ZFAND6: variants seen among roughly 807,000 people sequenced by gnomAD.
ZFAND6 encodes the protein zinc finger AN1-type containing 6.
Under a neutral mutation model 24.5 loss-of-function variants are expected in ZFAND6, and 12 were observed. The ratio of observed to expected loss-of-function variants is 0.49; its 90% CI spans 0.31 to 0.79. The LOEUF (loss-of-function observed/expected upper bound fraction) is 0.79, where lower values mean the gene tolerates loss of function less well. ZFAND6 is among the 30% of genes least tolerant of loss of function. The pLI is 0.04. For missense variants in ZFAND6, 207 were observed against 245.9 expected, an observed-to-expected ratio of 0.84 and a Z score of 1.06; for synonymous variants, 92 against 81.5, an observed-to-expected ratio of 1.13 and a Z score of -0.69.
chr15:80,117,220 GA>G (rs1482707729), intron 2 of ZFAND6, among the ~76,000 whole-genome samples: 1 of 151,576 alleles, frequency 6.6e-6, no homozygotes, highest in East Asian at 2.0e-4. Flanking sequence ...AATATCTACT[GA>G]ATACTCTTTT....
At chr15:80,136,796 T>C (rs1224920548) in intron 6 of ZFAND6, among the ~76,000 whole-genome samples, 1 of 152,276 alleles carries the variant, frequency 6.6e-6, no homozygotes, top group Non-Finnish European at 1.5e-5. Context: ...ATTTTGGTTT[T>C]AACTCCAGGC....
chr15:80,095,983 T>A (rs1051652770), intron 1 of ZFAND6, among the ~76,000 whole-genome samples: 8 of 152,236 alleles, frequency 5.3e-5, no homozygotes, highest in Non-Finnish European at 1.0e-4. Flanking sequence ...CAGATACAGT[T>A]TGATCTATCA....
At chr15:80,093,555 C>G (rs1203296767) in intron 1 of ZFAND6, among the ~76,000 whole-genome samples, 1 of 151,878 alleles carries the variant, frequency 6.6e-6, no homozygotes, top group East Asian at 2.0e-4. Flanking sequence ...GGTGAAACTC[C>G]GTCTCTACTA....
intron 1 of ZFAND6, among the ~76,000 whole-genome samples, chr15:80,095,703 A>T (rs2038678378): frequency 6.6e-6 from 1 of 152,216 alleles, no homozygotes; most frequent in Non-Finnish European, 1.5e-5. Flanking sequence ...TTTGTGTTGA[A>T]CAAGAATGTC....
At chr15:80,095,828 G>A (rs987323433) in intron 1 of ZFAND6, among the ~76,000 whole-genome samples, 31 of 152,122 alleles carry the variant, frequency 2.0e-4, no homozygotes, top group Admixed American at 1.8e-3. Flanking sequence ...TTGTCTTTTC[G>A]ATAGGTTACT....
chr15:80,081,237 TG>T (rs942385727), intron 1 of ZFAND6, among the ~76,000 whole-genome samples: 4 of 152,192 alleles, frequency 2.6e-5, no homozygotes, highest in African/African-American at 9.7e-5. Context: ...TTTATTGAGT[TG>T]TGTGCATACA....
chr15:80,131,061 A>T, intron 5 of ZFAND6, 119 bp from the exon 6 acceptor site: 1 of 673,258 alleles, frequency 1.5e-6, no homozygotes, highest in Non-Finnish European at 2.4e-6. Context: ...TTTAATGACT[A>T]GTTTTCTGTG....
At chr15:80,061,894 A>G (rs545778687) in intron 1 of ZFAND6, among the ~76,000 whole-genome samples, 1 of 152,214 alleles carries the variant, frequency 6.6e-6, no homozygotes, top group Non-Finnish European at 1.5e-5. Flanking sequence ...GAAAAACATT[A>G]GGATTCTCTA....
chr15:80,093,560 C>T (rs959683315), intron 1 of ZFAND6, among the ~76,000 whole-genome samples: 2 of 151,978 alleles, frequency 1.3e-5, no homozygotes, highest in Non-Finnish European at 2.9e-5. Context: ...AACTCCGTCT[C>T]TACTAAAATA....
intron 1 of ZFAND6, among the ~76,000 whole-genome samples, chr15:80,063,352 T>C (rs905044826): frequency 4.6e-5 from 7 of 152,176 alleles, no homozygotes. Context: ...GTGTGTATTT[T>C]CCACTTAAAG....
At chr15:80,101,430 T>C (rs2039023422) in intron 2 of ZFAND6, among the ~76,000 whole-genome samples, 2 of 151,712 alleles carry the variant, frequency 1.3e-5, no homozygotes, top group African/African-American at 4.8e-5. Flanking sequence ...GCCATTGCAC[T>C]CCAGCCTGGG....
In ZFAND6 at chr15:80,137,395, T is replaced by C. The variant is rs1183886556; in HGVS notation, c.479-85T>C. 3 of 1,433,350 alleles carry C rather than the reference T, an allele frequency of 2.1e-6. No individual in the cohort carries two copies. The African/African-American group carries it at 4.5e-5, about 21-fold the overall frequency. The allele number at this position is 1,433,350 out of a possible 1,614,324, so 88.8% of individuals were successfully genotyped here. A position where few individuals can be genotyped will look rare whatever the true frequency, so the allele number is the denominator to read the frequency against. Reference sequence around the variant, plus strand: ...CTTTAGTTTACATTGCTGCCCTAAATATATTGTGCTGTTCAGTATTAATTA... The same window carrying C: ...CTTTAGTTTACATTGCTGCCCTAAACATATTGTGCTGTTCAGTATTAATTA... On this transcript the variant is annotated intron_variant, in intron 6 of 6. Transcript: ENST00000261749.
chr15:80,073,463 C>T (rs2037091454), intron 1 of ZFAND6: 1 of 176,726 alleles, frequency 5.7e-6, no homozygotes, highest in South Asian at 9.2e-5. Context: ...TCTTTGTTCT[C>T]ATAGAAATTA....
intron 1 of ZFAND6, among the ~76,000 whole-genome samples, chr15:80,064,442 AC>A (rs1347004039): frequency 1.3e-5 from 2 of 151,976 alleles, no homozygotes; most frequent in Admixed American, 1.3e-4. Flanking sequence ...TGGTAAATAA[AC>A]CTGGATATTG....
intron 6 of ZFAND6, among the ~76,000 whole-genome samples, chr15:80,134,898 C>T (rs143591975): frequency 1.4e-3 from 213 of 152,260 alleles, no homozygotes; most frequent in African/African-American, 2.5e-3. Context: ...CAACGTGGAC[C>T]GTTTGGTGAT....
intron 1 of ZFAND6, among the ~76,000 whole-genome samples, chr15:80,063,883 T>C (rs903629191): frequency 1.3e-5 from 2 of 152,190 alleles, no homozygotes; most frequent in Non-Finnish European, 2.9e-5. Context: ...AGACCGCGTT[T>C]CACCATGTTG....
chr15:80,137,730 A>T lies in ZFAND6; in HGVS notation c.*102A>T, dbSNP rs748967904. ...GGGAATGTAGAGCAGTGTATCTTGC[A>T]TGTCATCGGAAGAATAGATTTTTGT... On this transcript the variant is annotated 3_prime_UTR_variant, in exon 7 of 7. Coordinates refer to ENST00000261749, the MANE Select transcript of ZFAND6 (RefSeq NM_019006.4). 1 of 1,207,184 alleles carries T rather than the reference A, an allele frequency of 8.3e-7. No homozygotes were observed. The highest frequency in any genetic ancestry group is 1.6e-5 in the African/African-American group (1 of 63,282). The allele number at this position is 1,207,184 out of a possible 1,614,324, so 74.8% of individuals were successfully genotyped here.
At chr15:80,063,279 GT>G (rs1464929046) in intron 1 of ZFAND6, among the ~76,000 whole-genome samples, 2 of 152,172 alleles carry the variant, frequency 1.3e-5, no homozygotes, top group Non-Finnish European at 2.9e-5. Context: ...ATTTCAACAT[GT>G]AATCAGTATA....
intron 1 of ZFAND6, among the ~76,000 whole-genome samples, chr15:80,079,932 G>A (rs2037548634): frequency 6.6e-6 from 1 of 151,764 alleles, no homozygotes; most frequent in South Asian, 2.1e-4. Context: ...TTACAGGCAT[G>A]AGCCACCACG....
Sources: allele counts gnomAD v4.1 joint callset (sites outside exome capture counted in the v4.1 genomes callset), GRCh38; gene constraint gnomAD v4.1.1; transcripts MANE v1.5; gene names NCBI Gene and HGNC (gene_info 2026-07-23, HGNC 2026-07-21).